SLC36A1: variants seen among roughly 807,000 people sequenced by gnomAD.
SLC36A1 encodes solute carrier family 36 member 1.
A neutral mutation model predicts 47.5 loss-of-function variants in SLC36A1; 30 were observed. The observed-to-expected ratio is 0.63, with a 90% CI of 0.47 to 0.86. The LOEUF (loss-of-function observed/expected upper bound fraction) is 0.86, where lower values mean the gene tolerates loss of function less well. Among genes scored for constraint, SLC36A1 ranks in the 40% least tolerant of loss-of-function variants. The pLI is 0.00. For synonymous variants in SLC36A1, 255 were observed against 249.7 expected, an observed-to-expected ratio of 1.02 and a Z score of -0.20; for missense variants, 517 against 606.0, an observed-to-expected ratio of 0.85 and a Z score of 1.54.
chr5:151,452,465 G>A (rs1333758924), intron 1 of SLC36A1: 1 of 152,226 alleles, frequency 6.6e-6, no homozygotes, highest in African/African-American at 2.4e-5. Context: ...CAAACAAGGG[G>A]CGCCAATGCG....
chr5:151,521,352 A>G, the SLC36A1 span: 837 of 1,614,190 alleles, frequency 5.2e-4, 9 homozygotes, highest in African/African-American at 0.01. Flanking sequence ...ACGTGGGCCC[A>G]ACCTTGGGGT....
chr5:151,463,554 T>C lies in SLC36A1; in HGVS notation c.145T>C (p.Trp49Arg). Residue 49 changes from tryptophan to arginine, a missense_variant and splice_region_variant, in exon 3 of 11, where the codon TGG (tryptophan) becomes CGG (arginine). Physicochemically the swap from Trp to Arg is moderately radical, Grantham distance 101. Transcript: ENST00000243389. ...TTCCTTGGCTGTCTTCCACTTCAGA[T>C]GGTTCCAGACCTTGATCCACCTGTT... ...QRFGQSNSTT[W>R]FQTLIHLLKG... 6.2e-7 allele frequency: 1 copy of C among 1,613,054 alleles called. No individual in the cohort carries two copies. The highest frequency in any genetic ancestry group is 8.5e-7 in the Non-Finnish European group (1 of 1,178,964).
the SLC36A1 span, among the ~76,000 whole-genome samples, chr5:151,502,603 C>T: frequency 6.8e-6 from 1 of 147,800 alleles, no homozygotes; most frequent in Non-Finnish European, 1.5e-5. Flanking sequence ...AGTGAGATAC[C>T]GCACCGCACA....
chr5:151,531,988 G>GGTGT, the SLC36A1 span: 1 of 1,613,048 alleles, frequency 6.2e-7, no homozygotes, highest in South Asian at 1.1e-5. The surrounding 1 kb of genome is among the most constrained non-coding windows in gnomAD (Gnocchi z 5.7). Flanking sequence ...GGAGACCAAG[G>GGTGT]GTGTGATCCA....
the SLC36A1 span, among the ~76,000 whole-genome samples, chr5:151,397,263 T>A: frequency 6.6e-6 from 1 of 152,208 alleles, no homozygotes; most frequent in Non-Finnish European, 1.5e-5. Flanking sequence ...TCTGTTGTAT[T>A]CACCCCATGC....
intron 7 of SLC36A1, among the ~76,000 whole-genome samples, chr5:151,471,397 A>G (rs1474689667): frequency 2.0e-5 from 3 of 152,190 alleles, no homozygotes; most frequent in Non-Finnish European, 4.4e-5. Context: ...GTAGAATAAT[A>G]CACTTCTTCT....
the SLC36A1 span, chr5:151,550,668 G>A: frequency 3.1e-6 from 5 of 1,614,182 alleles, no homozygotes; most frequent in East Asian, 1.1e-4. Context: ...CACTGCTTGG[G>A]TCCAGCTGGA....
chr5:151,390,068 C>T, the SLC36A1 span, among the ~76,000 whole-genome samples: 4 of 152,164 alleles, frequency 2.6e-5, no homozygotes, highest in East Asian at 1.9e-4. Context: ...CTCTCCAGCA[C>T]GTGTTGTTTC....
At chr5:151,421,423 T>G in the SLC36A1 span, among the ~76,000 whole-genome samples, 1 of 151,414 alleles carries the variant, frequency 6.6e-6, no homozygotes, top group Non-Finnish European at 1.5e-5. Flanking sequence ...TGTATTTTTT[T>G]GTAGAGATGG....
chr5:151,430,789 T>C, the SLC36A1 span, among the ~76,000 whole-genome samples: 1 of 152,204 alleles, frequency 6.6e-6, no homozygotes, highest in Non-Finnish European at 1.5e-5. Flanking sequence ...AGATAATGCT[T>C]TTTGGGTATC....
the SLC36A1 span, chr5:151,544,119 T>C: frequency 6.2e-7 from 1 of 1,614,200 alleles, no homozygotes; most frequent in Non-Finnish European, 8.5e-7. Flanking sequence ...CATAATCCAG[T>C]TCTTGAACTG....
chr5:151,493,593 A>G (rs1407614210), downstream of SLC36A1, among the ~76,000 whole-genome samples: 1 of 152,120 alleles, frequency 6.6e-6, no homozygotes, highest in Admixed American at 6.5e-5. Flanking sequence ...AAAGTATAAC[A>G]TTTTACCAAG....
At chr5:151,367,487 GC>G in the SLC36A1 span, among the ~76,000 whole-genome samples, 1,245 of 150,868 alleles carry the variant, frequency 8.3e-3, 17 homozygotes, top group African/African-American at 0.029. Context: ...GGCTCTTTTT[GC>G]CTGACCCTGC....
chr5:151,512,803 C>T, the SLC36A1 span: 4 of 597,818 alleles, frequency 6.7e-6, no homozygotes, highest in Admixed American at 3.0e-5. This position sits in a 1 kb window ranked among gnomAD's most constrained non-coding sequence, Gnocchi z 4.1. Flanking sequence ...GTTCTCACCA[C>T]ACCCCATGGG....
the SLC36A1 span, chr5:151,544,628 A>G: frequency 1.9e-6 from 3 of 1,614,052 alleles, no homozygotes; most frequent in Non-Finnish European, 2.5e-6. Context: ...AGTGGGTTGG[A>G]TTTATTTCTC....
In SLC36A1 at chr5:151,483,033, T is replaced by C. The variant is rs376306599; in HGVS notation, c.1159+3544T>C. Among the ~76,000 whole-genome samples the C allele has an allele frequency of 1.4e-3, 218 of 152,050 alleles. 1 individual carries two copies. The highest frequency in any genetic ancestry group is 5.0e-3 in the African/African-American group (208 of 41,478). ...GCCTAGGTGACAGGGCGAGACTCCA[T>C]CTCAAAAACAATAAAAATAAAAATA... On this transcript the variant is annotated intron_variant, in intron 10 of 10. Coordinates refer to ENST00000243389, the MANE Select transcript of SLC36A1 (RefSeq NM_078483.4).
the SLC36A1 span, among the ~76,000 whole-genome samples, chr5:151,413,641 C>G: frequency 6.6e-6 from 1 of 151,994 alleles, no homozygotes; most frequent in South Asian, 2.1e-4. Context: ...TTATGGAGAC[C>G]TTTTATATTT....
chr5:151,502,437 C>CT, the SLC36A1 span, among the ~76,000 whole-genome samples: 4 of 148,326 alleles, frequency 2.7e-5, 1 homozygote, highest in African/African-American at 8.0e-5. Context: ...ACAAAGAACT[C>CT]TTAATACTCA....
the SLC36A1 span, among the ~76,000 whole-genome samples, chr5:151,352,604 T>A: frequency 5.3e-3 from 813 of 152,374 alleles, 8 homozygotes; most frequent in African/African-American, 0.018. Context: ...CCAGCAGGGC[T>A]ATGCTTCCTC....
Sources: allele counts gnomAD v4.1 joint callset (sites outside exome capture counted in the v4.1 genomes callset), GRCh38; gene constraint gnomAD v4.1.1; non-coding constraint Gnocchi (gnomAD v3.1); transcripts MANE v1.5; gene names NCBI Gene and HGNC (gene_info 2026-07-23, HGNC 2026-07-21).